Variants in NTN4 observed in about 807,000 individuals in gnomAD.
NTN4 encodes the protein netrin 4, also known as netrin-4.
NTN4 carries 32 observed loss-of-function variants against 73.6 expected under a neutral mutation model. The observed-to-expected ratio is 0.44, with a 90% CI of 0.33 to 0.58. NTN4 has a LOEUF of 0.58. Ranked by LOEUF, NTN4 falls within the 20% of genes least tolerant of loss-of-function variation. The pLI is 0.04. For missense variants in NTN4, 654 were observed against 798.3 expected (o/e 0.82, Z 2.18); for synonymous variants, 258 against 287.5 (o/e 0.90, Z 1.04).
At chr12:95,666,090 G>A (rs1183748583) in intron 8 of NTN4, 110 bp from the exon 9 acceptor site, 1 of 833,254 alleles carries the variant, frequency 1.2e-6, no homozygotes, top group Non-Finnish European at 1.8e-6. Flanking sequence ...TGATGATGAG[G>A]ATGTGAAAAT....
At chr12:95,731,741 T>C (rs2078738647) in intron 3 of NTN4, among the ~76,000 whole-genome samples, 1 of 152,098 alleles carries the variant, frequency 6.6e-6, no homozygotes, top group Non-Finnish European at 1.5e-5. Flanking sequence ...CTTGGCACGA[T>C]GTCAACCCTG....
chr12:95,776,975 C>T (rs928978612), intron 2 of NTN4, among the ~76,000 whole-genome samples: 7 of 152,162 alleles, frequency 4.6e-5, no homozygotes, highest in Non-Finnish European at 1.0e-4. Context: ...GGTGGAAACT[C>T]TGCAAGCCAG....
intron 2 of NTN4, among the ~76,000 whole-genome samples, chr12:95,773,782 ATTTAC>A (rs1223870214): frequency 6.6e-6 from 1 of 151,608 alleles, no homozygotes; most frequent in African/African-American, 2.4e-5. Context: ...TATTTTACTT[ATTTAC>A]TTTATTTAGC....
At chr12:95,666,269 CA>C (rs1407957267) in intron 8 of NTN4, among the ~76,000 whole-genome samples, 1 of 152,030 alleles carries the variant, frequency 6.6e-6, no homozygotes, top group Non-Finnish European at 1.5e-5. Context: ...TTTGGGGACT[CA>C]GGGGGAAGAG....
intron 9 of NTN4, among the ~76,000 whole-genome samples, chr12:95,661,326 A>G (rs992978829): frequency 6.6e-6 from 1 of 152,228 alleles, no homozygotes; most frequent in African/African-American, 2.4e-5. Flanking sequence ...GAAGAATGCC[A>G]GCTAATAAGA....
chr12:95,700,820 T>C (rs1243381935), intron 5 of NTN4, among the ~76,000 whole-genome samples: 39 of 147,162 alleles, frequency 2.7e-4, no homozygotes, highest in African/African-American at 8.0e-4. Context: ...CTTTCTTTTT[T>C]TTTTTTTTTT....
chr12:95,761,558 C>T (rs1011251338), intron 2 of NTN4, among the ~76,000 whole-genome samples: 2 of 152,054 alleles, frequency 1.3e-5, no homozygotes, highest in Non-Finnish European at 1.5e-5. Flanking sequence ...GTCTCGAACT[C>T]CTGACCTGAA....
At chr12:95,692,049 G>T (rs993451274) in intron 5 of NTN4, among the ~76,000 whole-genome samples, 2 of 151,428 alleles carry the variant, frequency 1.3e-5, no homozygotes, top group African/African-American at 4.9e-5. Context: ...ACCTTTTTTT[G>T]GGGGGGACAG....
intron 6 of NTN4, 144 bp downstream of exon 6, chr12:95,683,354 G>T: frequency 1.3e-6 from 1 of 774,518 alleles, no homozygotes; most frequent in Non-Finnish European, 2.0e-6. Flanking sequence ...GAGCCACCAC[G>T]CCCAGCCTGA....
intron 2 of NTN4, among the ~76,000 whole-genome samples, chr12:95,785,936 C>A (rs1258557305): frequency 2.6e-5 from 4 of 152,082 alleles, no homozygotes; most frequent in Admixed American, 2.6e-4. Context: ...CTATTTTGTG[C>A]ATCGTCTGAG....
intron 2 of NTN4, among the ~76,000 whole-genome samples, chr12:95,784,835 C>A (rs1229727363): frequency 6.6e-6 from 1 of 152,022 alleles, no homozygotes; most frequent in African/African-American, 2.4e-5. Context: ...TAGAAGGTAT[C>A]TGTACACTGA....
intron 5 of NTN4, among the ~76,000 whole-genome samples, chr12:95,697,140 A>C (rs1378317861): frequency 6.6e-6 from 1 of 151,380 alleles, no homozygotes; most frequent in Non-Finnish European, 1.5e-5. Flanking sequence ...ATGCCATTGC[A>C]CTCCATTCAG....
At chr12:95,740,225 G>A (rs911538137) in intron 2 of NTN4, among the ~76,000 whole-genome samples, 6 of 152,206 alleles carry the variant, frequency 3.9e-5, no homozygotes, top group African/African-American at 7.2e-5. Flanking sequence ...CAAAGAGTCC[G>A]CCAGTACAGA....
At chr12:95,680,226 G>A (rs1376436170) in intron 7 of NTN4, among the ~76,000 whole-genome samples, 7 of 152,144 alleles carry the variant, frequency 4.6e-5, no homozygotes, top group Non-Finnish European at 7.4e-5. Flanking sequence ...TATTTACAGC[G>A]CTGCCACATG....
Position 95,781,211 on chromosome 12 carries a change from G to A in NTN4, c.585+5728C>T, listed in dbSNP as rs1453693820. Among the ~76,000 whole-genome samples the A allele has an allele frequency of 6.6e-6, 1 of 152,172 alleles. No individual in the cohort carries two copies. The highest frequency in any genetic ancestry group is 2.4e-5 in the African/African-American group (1 of 41,440). ...GAGATATACCTTATGTAAATGACGA[G>A]TTAATGGGTGCAGCACACCAGCATG... On this transcript the variant is annotated intron_variant, in intron 2 of 9. Transcript: ENST00000343702. The surrounding 1 kb of genome is among the most constrained non-coding windows in gnomAD (Gnocchi z 4.1).
chr12:95,754,334 C>T (rs878932737), intron 2 of NTN4, among the ~76,000 whole-genome samples: 6 of 152,000 alleles, frequency 3.9e-5, no homozygotes, highest in East Asian at 3.9e-4. Flanking sequence ...CCCCTAATCC[C>T]GCTCGAAGCA....
chr12:95,749,489 C>T (rs1280492580), intron 2 of NTN4, among the ~76,000 whole-genome samples: 1 of 152,196 alleles, frequency 6.6e-6, no homozygotes, highest in South Asian at 2.1e-4. Flanking sequence ...CAACCACTTT[C>T]TCCTTTCCAC....
In NTN4 at chr12:95,657,933, G is replaced by A. The variant is rs999055342; in HGVS notation, c.*1153C>T. The A allele has an allele frequency of 6.6e-6, 1 of 152,532 alleles. No homozygotes were observed. The highest frequency in any genetic ancestry group is 1.5e-5 in the Non-Finnish European group (1 of 68,022). 9.4% of individuals were successfully genotyped at this position (152,532 alleles called of 1,614,324 possible). On this transcript the variant is annotated 3_prime_UTR_variant, in exon 10 of 10. Transcript: ENST00000343702. ...GTTCTGTATGTGAAATTATTCATAT[G>A]GCACTGTGTTCATGTTTTGTATATT...
At chr12:95,771,916 C>G (rs1046913655) in intron 2 of NTN4, among the ~76,000 whole-genome samples, 2 of 152,100 alleles carry the variant, frequency 1.3e-5, no homozygotes, top group African/African-American at 4.8e-5. Context: ...CCATTCCCAA[C>G]TTCTCTCTCA....
Sources: gnomAD v4.1 joint callset for allele counts (sites outside exome capture counted in the v4.1 genomes callset) on GRCh38, gnomAD v4.1.1 for gene constraint, Gnocchi (gnomAD v3.1) non-coding constraint, MANE v1.5 for transcripts, NCBI Gene and HGNC (gene_info 2026-07-23, HGNC 2026-07-21) for gene names.